Variants in LY75 observed in about 807,000 individuals in gnomAD.
The protein encoded by LY75 is lymphocyte antigen 75.
Under a neutral mutation model 231.7 loss-of-function variants are expected in LY75, and 185 were observed. That is an observed-to-expected ratio of 0.80 (90% confidence interval 0.71 to 0.90). The LOEUF is 0.90. Ranked by LOEUF, LY75 falls within the 40% of genes least tolerant of loss-of-function variation. The probability of loss-of-function intolerance (pLI) is 0.00; values close to 1 mark genes in which losing one functional copy is unlikely to be tolerated. For synonymous variants in LY75, 668 were observed against 689.0 expected (o/e 0.97, Z 0.48); for missense variants, 1,947 against 2,050.2 (o/e 0.95, Z 0.97).
intron 27 of LY75, among the ~76,000 whole-genome samples, chr2:159,833,581 G>A (rs1269904305): frequency 6.6e-6 from 1 of 152,226 alleles, no homozygotes; most frequent in Admixed American, 6.5e-5. Flanking sequence ...GAATATTTTT[G>A]TCATCTAGTT....
intron 33 of LY75, chr2:159,807,906 T>C (rs1031383660): frequency 1.0e-6 from 1 of 985,172 alleles, no homozygotes; most frequent in African/African-American, 1.7e-5. Context: ...TGCAATTTTA[T>C]AGGTTGGCGC....
intron 29 of LY75, among the ~76,000 whole-genome samples, chr2:159,817,823 G>T (rs148551775): frequency 0.083 from 12,636 of 152,134 alleles, 685 homozygotes; most frequent in East Asian, 0.31. Flanking sequence ...CAAGGCGGGG[G>T]GATCACCTGA....
chr2:159,898,110 T>C (rs1228827678), intron 2 of LY75, among the ~76,000 whole-genome samples: 1 of 152,092 alleles, frequency 6.6e-6, no homozygotes, highest in Non-Finnish European at 1.5e-5. Context: ...CTCCTTCTTT[T>C]CTTTTTTAAG....
chr2:159,853,710 C>G lies in LY75; in HGVS notation c.2596-13G>C. 1 of 1,613,132 alleles carries G rather than the reference C, an allele frequency of 6.2e-7. No homozygotes were observed. ...CATCACCAGATATCTGAAAAACAAG[C>G]CAAACATCCATCCTTATATGTGCTG... On this transcript the variant is annotated splice_polypyrimidine_tract_variant and intron_variant, in intron 18 of 34. Coordinates refer to ENST00000263636, the MANE Select transcript of LY75 (RefSeq NM_002349.4).
rs1341394980 is a variant in LY75, at chr2:159,850,791, T to TATATATATATATAA, written c.2884-325_2884-324insTTATATATATATAT. 1.2e-3 allele frequency among the ~76,000 whole-genome samples: 114 copies of TATATATATATATAA among 94,340 alleles called. 3 individuals are homozygous for TATATATATATATAA. The highest frequency in any genetic ancestry group is 5.0e-3 in the East Asian group (23 of 4,626). 61.9% of individuals were successfully genotyped at this position (94,340 alleles called of 152,430 possible). A position where few individuals can be genotyped will look rare whatever the true frequency, so the allele number is the denominator to read the frequency against. ...AAACTTTCATATATATATATATATA[T>TATATATATATATAA]ATATATATTATATCTTATATATAAG... On this transcript the variant is annotated intron_variant, in intron 21 of 34. Transcript: ENST00000263636.
chr2:159,903,546 G>A (rs1413221419), intron 1 of LY75: 1 of 152,222 alleles, frequency 6.6e-6, no homozygotes, highest in Non-Finnish European at 1.5e-5. Context: ...TTCACACTCT[G>A]AGAAATCTCT....
chr2:159,844,789 CT>C (rs143897451), intron 23 of LY75, among the ~76,000 whole-genome samples: 14,313 of 141,476 alleles, frequency 0.1, 2,046 homozygotes, highest in African/African-American at 0.32. Flanking sequence ...AGCTGTCATT[CT>C]TTTTTTTTTT....
chr2:159,817,158 A>G (rs1683144811), intron 29 of LY75, 126 bp from the exon 30 acceptor site: 1 of 1,009,280 alleles, frequency 9.9e-7, no homozygotes, highest in African/African-American at 1.6e-5. Flanking sequence ...AGGGAGGTCA[A>G]ATGTATATTT....
Position 159,803,879 on chromosome 2 carries a change from T to TA in LY75, c.*1164dup, listed in dbSNP as rs1226746227. 1.3e-5 allele frequency: 2 copies of TA among 152,196 alleles called. No individual in the cohort carries two copies. The highest frequency in any genetic ancestry group is 2.9e-5 in the Non-Finnish European group (2 of 68,032). The allele number at this position is 152,196 out of a possible 1,614,324, so 9.4% of individuals were successfully genotyped here. ...GACCCTTTCTCTGTTTAACACATGT[T>TA]AAAAAAGTAAAACAAAATTCTTAGT... is the stretch of plus-strand genomic sequence containing the variant. On this transcript the variant is annotated 3_prime_UTR_variant, in exon 35 of 35. Coordinates refer to ENST00000263636, the MANE Select transcript of LY75 (RefSeq NM_002349.4).
At chr2:159,808,057 G>A in intron 33 of LY75, 1 of 972,592 alleles carries the variant, frequency 1.0e-6, no homozygotes, top group Non-Finnish European at 1.2e-6. Flanking sequence ...ATAACTTTCT[G>A]AATAACGAAG....
chr2:159,878,914 A>C (rs1052835744), intron 9 of LY75, among the ~76,000 whole-genome samples, 193 bp from the exon 10 acceptor site: 3 of 152,196 alleles, frequency 2.0e-5, no homozygotes, highest in Admixed American at 6.5e-5. Context: ...GGCCTGTGTC[A>C]GACAAAAAGT....
At chr2:159,896,920 A>G (rs1369437702) in intron 2 of LY75, among the ~76,000 whole-genome samples, 1 of 152,060 alleles carries the variant, frequency 6.6e-6, no homozygotes, top group Non-Finnish European at 1.5e-5. Flanking sequence ...AAAAAGCTTT[A>G]GTGTTTCAAA....
In LY75 at chr2:159,804,705, A is replaced by C. The variant is rs1682744161; in HGVS notation, c.*339T>G. On this transcript the variant is annotated 3_prime_UTR_variant, in exon 35 of 35. Transcript: ENST00000263636. ...TGTCACCTAGTAATATGCCTATTTTAATTTTCTAAGAAGTTTTGTTAAAAA... is the reference window on the plus strand; with the variant it reads ...TGTCACCTAGTAATATGCCTATTTTCATTTTCTAAGAAGTTTTGTTAAAAA... 6.4e-6 allele frequency: 1 copy of C among 157,282 alleles called. No individual in the cohort carries two copies. Among genetic ancestry groups the C allele is most frequent in the African/African-American group, 2.4e-5 (1 of 41,590 alleles). 9.7% of individuals were successfully genotyped at this position (157,282 alleles called of 1,614,324 possible).
chr2:159,821,318 A>G (rs1683281171), intron 28 of LY75, among the ~76,000 whole-genome samples: 3 of 152,104 alleles, frequency 2.0e-5, no homozygotes, highest in Admixed American at 2.0e-4. Context: ...TAAAATCTTT[A>G]GAAGAAAACA....
intron 12 of LY75, among the ~76,000 whole-genome samples, chr2:159,873,854 G>T (rs567801874): frequency 1.7e-5 from 2 of 117,416 alleles, no homozygotes; most frequent in African/African-American, 5.8e-5. Flanking sequence ...ACATATAAAC[G>T]TATATATTTT....
At chr2:159,882,902 A>G (rs1685478251) in intron 6 of LY75, among the ~76,000 whole-genome samples, 1 of 152,090 alleles carries the variant, frequency 6.6e-6, no homozygotes, top group Non-Finnish European at 1.5e-5. Flanking sequence ...TGCTAGACAG[A>G]TGGTCCTCAT....
chr2:159,817,832 G>A (rs761510519), intron 29 of LY75, among the ~76,000 whole-genome samples: 14 of 151,684 alleles, frequency 9.2e-5, no homozygotes, highest in Non-Finnish European at 1.6e-4. Flanking sequence ...GGGATCACCT[G>A]AGGTCAGGAG....
Position 159,810,513 on chromosome 2 carries a change from A to G in LY75, c.4699+13T>C. On this transcript the variant is annotated intron_variant, in intron 32 of 34. Coordinates refer to ENST00000263636, the MANE Select transcript of LY75 (RefSeq NM_002349.4). The stretch of plus-strand genomic sequence containing the variant: ...TTATTGAGTCATAAGAAAATCAACA[A>G]ATTTTAACTCACCATGTTTTGAACA... 1 of 1,605,012 alleles carries G rather than the reference A, an allele frequency of 6.2e-7. No homozygotes were observed. Among genetic ancestry groups the G allele is most frequent in the Non-Finnish European group, 8.5e-7 (1 of 1,177,508 alleles).
chr2:159,820,390 C>T (rs1185094960), intron 28 of LY75, among the ~76,000 whole-genome samples: 3 of 152,194 alleles, frequency 2.0e-5, no homozygotes, highest in Non-Finnish European at 2.9e-5. Flanking sequence ...TCGCAGCAAC[C>T]TGAATGGAAA....
Sources: allele counts gnomAD v4.1 joint callset (sites outside exome capture counted in the v4.1 genomes callset), GRCh38; gene constraint gnomAD v4.1.1; transcripts MANE v1.5; gene names NCBI Gene and HGNC (gene_info 2026-07-23, HGNC 2026-07-21).